Variants in ARHGAP35 observed in about 807,000 individuals in gnomAD.
ARHGAP35 encodes the protein Rho GTPase activating protein 35, also known as rho GTPase-activating protein 35.
A neutral mutation model predicts 111.1 loss-of-function variants in ARHGAP35; 15 were observed. That is an observed-to-expected ratio of 0.13 (90% CI 0.09 to 0.21). The LOEUF (loss-of-function observed/expected upper bound fraction) is 0.21, where lower values mean the gene tolerates loss of function less well. Ranked by LOEUF, ARHGAP35 falls within the 10% of genes least tolerant of loss-of-function variation. ARHGAP35 has a pLI of 1.00. For missense variants in ARHGAP35, 1,262 were observed against 1,873.0 expected (o/e 0.67, Z 6.02); for synonymous variants, 643 against 710.3 (o/e 0.91, Z 1.51).
At chr19:46,982,798 AT>A in intron 3 of ARHGAP35, among the ~76,000 whole-genome samples, 1 of 151,920 alleles carries the variant, frequency 6.6e-6, no homozygotes, top group Admixed American at 6.6e-5. Context: ...GAATCCCAGC[AT>A]TTTGGGAGGC....
In ARHGAP35 at chr19:46,861,092, G is replaced by C. The variant is rs1010145734; in HGVS notation, c.-306G>C. ...GGGTCCGCCCGGCCCCCCGCCGCCG[G>C]AGCCGCCGCCGCCGCCTCAGCCGCC... On this transcript the variant is annotated 5_prime_UTR_variant, in exon 1 of 7. Transcript: ENST00000672722. Among the ~76,000 whole-genome samples, 2 of 151,022 alleles carry C rather than the reference G, an allele frequency of 1.3e-5. No individual in the cohort carries two copies. The highest frequency in any genetic ancestry group is 3.0e-5 in the Non-Finnish European group (2 of 67,472).
chr19:46,872,425 GTTT>G (rs373370367), intron 1 of ARHGAP35, among the ~76,000 whole-genome samples: 1 of 139,816 alleles, frequency 7.2e-6, no homozygotes, highest in Admixed American at 7.1e-5. Flanking sequence ...GATTAAACAA[GTTT>G]TTTTTTTTTT....
intron 1 of ARHGAP35, among the ~76,000 whole-genome samples, chr19:46,895,761 T>C (rs1043893399): frequency 1.3e-5 from 2 of 152,162 alleles, no homozygotes; most frequent in Non-Finnish European, 1.5e-5. Flanking sequence ...CCAATGCCCT[T>C]GTCTGTGAAA....
At chr19:46,976,089 A>G (rs930425076) in intron 3 of ARHGAP35, among the ~76,000 whole-genome samples, 1 of 152,036 alleles carries the variant, frequency 6.6e-6, no homozygotes. Context: ...ATACTGTTTC[A>G]TATGCTGTGA....
intron 3 of ARHGAP35, among the ~76,000 whole-genome samples, chr19:46,976,709 C>T (rs1446295679): frequency 1.3e-5 from 2 of 152,236 alleles, no homozygotes; most frequent in Admixed American, 6.5e-5. Flanking sequence ...ACAAACAGGA[C>T]GGTACAGCAG....
intron 1 of ARHGAP35, among the ~76,000 whole-genome samples, chr19:46,878,859 C>T (rs1459813748): frequency 1.3e-5 from 2 of 152,288 alleles, no homozygotes; most frequent in Admixed American, 6.5e-5. Context: ...TGCCTTGATG[C>T]TGATGGCTTC....
intron 3 of ARHGAP35, among the ~76,000 whole-genome samples, chr19:46,965,470 G>T (rs376955180): frequency 1.6e-5 from 1 of 60,730 alleles, no homozygotes. Flanking sequence ...TGGGTTTTTT[G>T]TTTGTTTGTT....
chr19:46,888,716 G>A (rs529295671), intron 1 of ARHGAP35, among the ~76,000 whole-genome samples: 5 of 151,936 alleles, frequency 3.3e-5, no homozygotes, highest in East Asian at 3.9e-4. Flanking sequence ...TTCTTTGGCC[G>A]GGTGTGGTGG....
At chr19:46,892,468 CA>C (rs982546554) in intron 1 of ARHGAP35, among the ~76,000 whole-genome samples, 2,866 of 67,118 alleles carry the variant, frequency 0.043, 30 homozygotes, top group Non-Finnish European at 0.057. Context: ...AACCCTGTCT[CA>C]AAAAAAAAAA....
intron 3 of ARHGAP35, among the ~76,000 whole-genome samples, chr19:46,957,808 A>C (rs1472285778): frequency 1.3e-5 from 2 of 152,216 alleles, no homozygotes; most frequent in Non-Finnish European, 2.9e-5. Context: ...AGGATGTTTA[A>C]TGAGCCTCTC....
chr19:46,918,583 C>A lies in ARHGAP35; in HGVS notation c.-93C>A. ...CCTGGCATTTTTGCTGCATGTCCAG[C>A]CCACCCCCACTAATAATGTAGGAAG... On this transcript the variant is annotated 5_prime_UTR_variant, in exon 2 of 7. Transcript: ENST00000672722. This position sits in a 1 kb window ranked among gnomAD's most constrained non-coding sequence, Gnocchi z 5.4. The A allele has an allele frequency of 7.6e-7, 1 of 1,319,232 alleles. No homozygotes were observed. Among genetic ancestry groups the A allele is most frequent in the Non-Finnish European group, 1.1e-6 (1 of 943,412 alleles). 81.7% of individuals were successfully genotyped at this position (1,319,232 alleles called of 1,614,324 possible).
At chr19:46,957,564 G>A (rs910711779) in intron 3 of ARHGAP35, among the ~76,000 whole-genome samples, 1 of 152,160 alleles carries the variant, frequency 6.6e-6, no homozygotes, top group South Asian at 2.1e-4. Context: ...AGTGAGCTGC[G>A]ATCACGCTAC....
chr19:46,917,387 C>T (rs1014726345), intron 1 of ARHGAP35, among the ~76,000 whole-genome samples: 5 of 152,172 alleles, frequency 3.3e-5, no homozygotes, highest in African/African-American at 1.2e-4. Flanking sequence ...GCAGGCAGAT[C>T]GCCTGAGCCT....
intron 2 of ARHGAP35, among the ~76,000 whole-genome samples, chr19:46,923,600 C>T (rs1404715000): frequency 6.6e-6 from 1 of 151,482 alleles, no homozygotes; most frequent in African/African-American, 2.4e-5. Context: ...CCCCCAATTG[C>T]CAAGGCTGAT....
At position 46,926,436 on chromosome 19, in the gene ARHGAP35, C is replaced by T. The variant is rs185289162; in HGVS notation, c.3681+4080C>T. ...ATGGTCTCTGTCTCCCAGTGCCATG[C>T]GTTTGCAAAGACGAGATCAGGATCG... On this transcript the variant is annotated intron_variant, in intron 2 of 6. Coordinates refer to ENST00000672722, the MANE Select transcript of ARHGAP35 (RefSeq NM_004491.5). The surrounding 1 kb of genome is among the most constrained non-coding windows in gnomAD (Gnocchi z 4.1). Among the ~76,000 whole-genome samples the T allele has an allele frequency of 6.6e-6, 1 of 152,248 alleles. No individual in the cohort carries two copies. The highest frequency in any genetic ancestry group is 1.9e-4 in the East Asian group (1 of 5,184).
chr19:46,952,697 A>C (rs955433724), intron 3 of ARHGAP35, among the ~76,000 whole-genome samples: 1 of 152,224 alleles, frequency 6.6e-6, no homozygotes, highest in African/African-American at 2.4e-5. Context: ...TGTTTGAGAC[A>C]GGGTCTCCCT....
At chr19:46,957,162 CATGTTAGCCAGAA>C (rs1299522256) in intron 3 of ARHGAP35, among the ~76,000 whole-genome samples, 1 of 151,940 alleles carries the variant, frequency 6.6e-6, no homozygotes, top group African/African-American at 2.4e-5. Flanking sequence ...GGGGTTTCAC[CATGTTAGCCAGAA>C]TGGTCTCAAA....
At chr19:46,971,735 T>C (rs1202988229) in intron 3 of ARHGAP35, among the ~76,000 whole-genome samples, 1 of 151,992 alleles carries the variant, frequency 6.6e-6, no homozygotes, top group Admixed American at 6.5e-5. Context: ...CCTGACCTTG[T>C]GATCTGCCTG....
At chr19:46,942,815 CAGAAA>C (rs1368564527) in intron 3 of ARHGAP35, among the ~76,000 whole-genome samples, 2 of 42,282 alleles carry the variant, frequency 4.7e-5, no homozygotes, top group African/African-American at 2.0e-4. Flanking sequence ...GACCCTGTCT[CAGAAA>C]AAAAAAAAAA....
Sources: allele counts gnomAD v4.1 joint callset (sites outside exome capture counted in the v4.1 genomes callset), GRCh38; gene constraint gnomAD v4.1.1; non-coding constraint Gnocchi (gnomAD v3.1); transcripts MANE v1.5; gene names NCBI Gene and HGNC (gene_info 2026-07-23, HGNC 2026-07-21).